The following USP32 variants were observed in gnomAD, a reference collection of about 807,000 sequenced individuals.
The protein encoded by USP32 is ubiquitin carboxyl-terminal hydrolase 32.
A neutral mutation model predicts 204.8 loss-of-function variants in USP32; 59 were observed. That is an observed-to-expected ratio of 0.29 (90% CI 0.23 to 0.36). The LOEUF (loss-of-function observed/expected upper bound fraction) is 0.36. USP32 is among the 10% of genes least tolerant of loss of function. The pLI is 1.00. For synonymous variants in USP32, 517 were observed against 678.4 expected, an observed-to-expected ratio of 0.76 and a Z score of 3.70; for missense variants, 1,160 against 1,946.4, an observed-to-expected ratio of 0.60 and a Z score of 7.60.
intron 11 of USP32, among the ~76,000 whole-genome samples, chr17:60,244,729 T>G (rs2145677657): frequency 6.6e-6 from 1 of 152,328 alleles, no homozygotes; most frequent in East Asian, 1.9e-4. Context: ...CCTCCTGGGT[T>G]CAAGTGATTC....
rs528201705 is a variant in USP32 at position 60,256,186 on chromosome 17, T to A, written c.991-928A>T. On this transcript the variant is annotated intron_variant, in intron 9 of 33. Coordinates refer to ENST00000300896, the MANE Select transcript of USP32 (RefSeq NM_032582.4). ...GACACCATCTCTTTGAAAAAAAAAATAATAAAAATAAAGAAAATCCTCCAA... is the reference window on the plus strand; with the variant it reads ...GACACCATCTCTTTGAAAAAAAAAAAAATAAAAATAAAGAAAATCCTCCAA... Among the ~76,000 whole-genome samples, 16 of 149,912 alleles carry A rather than the reference T, an allele frequency of 1.1e-4. No individual in the cohort carries two copies. The South Asian group carries it at 1.3e-3, about 12-fold the overall frequency.
chr17:60,388,912 CTT>C (rs2089780282), intron 1 of USP32, among the ~76,000 whole-genome samples: 1 of 152,192 alleles, frequency 6.6e-6, no homozygotes, highest in Non-Finnish European at 1.5e-5. Context: ...TAACATAACA[CTT>C]CGTTTCCAAG....
At chr17:60,201,809 C>T (rs2084683670) in intron 26 of USP32, among the ~76,000 whole-genome samples, 1 of 152,188 alleles carries the variant, frequency 6.6e-6, no homozygotes, top group East Asian at 1.9e-4. Context: ...CATGTGCCCA[C>T]CATCACGCCC....
At chr17:60,422,146 A>AT (rs2090126685) in intron 1 of USP32, 1 of 302,808 alleles carries the variant, frequency 3.3e-6, no homozygotes, top group African/African-American at 2.3e-5. Flanking sequence ...TCAGAAAAGA[A>AT]TTTTACAAAC....
chr17:60,331,427 T>G lies in USP32; in HGVS notation c.186+14054A>C, dbSNP rs369928680. Among the ~76,000 whole-genome samples the G allele has an allele frequency of 1.3e-3, 198 of 151,248 alleles. 1 individual carries two copies. Among genetic ancestry groups the G allele is most frequent in the African/African-American group, 4.5e-3 (185 of 41,140 alleles). On this transcript the variant is annotated intron_variant, in intron 2 of 33. Coordinates refer to ENST00000300896, the MANE Select transcript of USP32 (RefSeq NM_032582.4). ...CAAAAAAATACAAGTTAGCCAGGCA[T>G]AGTGGCATGCACTTGTAGTCCCAGC...
chr17:60,410,827 T>A (rs1261448910), intron 1 of USP32, among the ~76,000 whole-genome samples: 1 of 152,056 alleles, frequency 6.6e-6, no homozygotes, highest in Non-Finnish European at 1.5e-5. Flanking sequence ...ACGCCTATAA[T>A]CTCAGCACTT....
At chr17:60,206,302 G>A (rs2084823842) in intron 25 of USP32, among the ~76,000 whole-genome samples, 1 of 146,540 alleles carries the variant, frequency 6.8e-6, no homozygotes, top group Admixed American at 6.6e-5. Context: ...GGGTGACAGA[G>A]TGAGACCATT....
At chr17:60,242,393 T>C (rs1263199719) in intron 11 of USP32, among the ~76,000 whole-genome samples, 1 of 152,206 alleles carries the variant, frequency 6.6e-6, no homozygotes, top group African/African-American at 2.4e-5. Flanking sequence ...AAAATAACCA[T>C]TGACCAAAAA....
At chr17:60,415,667 C>G (rs1292344720) in intron 1 of USP32, among the ~76,000 whole-genome samples, 1 of 152,146 alleles carries the variant, frequency 6.6e-6, no homozygotes, top group Non-Finnish European at 1.5e-5. Context: ...GACAACTTGG[C>G]TTAGCTGGGA....
At chr17:60,410,655 G>A (rs57014843) in intron 1 of USP32, among the ~76,000 whole-genome samples, 5,191 of 152,086 alleles carry the variant, frequency 0.034, 287 homozygotes, top group African/African-American at 0.12. Flanking sequence ...GCCACAGAGT[G>A]AAACACTGTC....
At chr17:60,206,944 A>G (rs1245233859) in intron 25 of USP32, 77 bp downstream of exon 25, 3 of 1,535,786 alleles carry the variant, frequency 2.0e-6, no homozygotes, top group African/African-American at 2.8e-5. Flanking sequence ...CAGCATGAAC[A>G]AATATAAAAA....
intron 2 of USP32, among the ~76,000 whole-genome samples, chr17:60,332,952 TACTC>T (rs1407199649): frequency 2.6e-5 from 4 of 152,218 alleles, no homozygotes. Context: ...GAAAACATCT[TACTC>T]TATGTATAGT....
At chr17:60,186,356 T>C (rs557586375) in intron 29 of USP32, among the ~76,000 whole-genome samples, 1 of 152,302 alleles carries the variant, frequency 6.6e-6, no homozygotes, top group South Asian at 2.1e-4. Context: ...GCTGCAGACT[T>C]TACAGAGGCT....
rs1453550571 is a variant in USP32, at chr17:60,183,281, C to T, written c.4007G>A (p.Arg1336Lys). The T allele has an allele frequency of 5.6e-6, 9 of 1,613,996 alleles. No homozygotes were observed. Among genetic ancestry groups the T allele is most frequent in the Non-Finnish European group, 7.6e-6 (9 of 1,179,872 alleles). Residue 1336 changes from arginine to lysine, a missense_variant, in exon 31 of 34, where the codon AGG becomes AAG. Physicochemically the swap from Arg to Lys is conservative, Grantham distance 26. Coordinates refer to ENST00000300896, the MANE Select transcript of USP32 (RefSeq NM_032582.4). ...TTTCTTCACCTCCCTTGCCAGAATC[C>T]TGGGCTCAGAGAGCTCATCCCCCTG... ...TPQGDELSEP[R>K]ILAREVKKVD...
At chr17:60,361,843 T>A (rs2089213475) in intron 1 of USP32, among the ~76,000 whole-genome samples, 1 of 152,060 alleles carries the variant, frequency 6.6e-6, no homozygotes, top group Admixed American at 6.6e-5. Flanking sequence ...TAGAAAACAG[T>A]GTGGAGAGAG....
rs568500242 is a variant in USP32 at position 60,420,499 on chromosome 17, C to T, written c.106+1747G>A. ...CGTGACCAACATGGAGAAACCCCGT[C>T]TTTACTAAAAATACAAAATTAGCCA... is the stretch of plus-strand genomic sequence containing the variant. On this transcript the variant is annotated intron_variant, in intron 1 of 3. Coordinates refer to the USP32 transcript ENST00000588898. Among the ~76,000 whole-genome samples, 16 of 151,880 alleles carry T rather than the reference C, an allele frequency of 1.1e-4. No homozygotes were observed. In the South Asian group the frequency reaches 2.1e-3, roughly 20 times the overall value.
At chr17:60,317,339 CCTCAT>C (rs2088005334) in intron 2 of USP32, among the ~76,000 whole-genome samples, 1 of 151,016 alleles carries the variant, frequency 6.6e-6, no homozygotes, top group African/African-American at 2.4e-5. Context: ...CATAGTGAGA[CCTCAT>C]CTCTATTAAA....
chr17:60,314,067 A>G (rs1164693743), intron 2 of USP32, among the ~76,000 whole-genome samples: 1 of 151,970 alleles, frequency 6.6e-6, no homozygotes, highest in East Asian at 1.9e-4. Context: ...TATATTTTAA[A>G]AAGAAACATG....
exon 1 of USP32, chr17:60,422,363 C>A: frequency 8.7e-7 from 1 of 1,143,698 alleles, no homozygotes; most frequent in Non-Finnish European, 1.2e-6. Context: ...TTGCTCCGTT[C>A]CCTAGTCCAG....
Sources: allele counts gnomAD v4.1 joint callset (sites outside exome capture counted in the v4.1 genomes callset), GRCh38; gene constraint gnomAD v4.1.1; transcripts MANE v1.5; gene names NCBI Gene and HGNC (gene_info 2026-07-23, HGNC 2026-07-21).